The following FRK variants were observed in gnomAD, a reference collection of about 807,000 sequenced individuals.
FRK encodes the protein tyrosine-protein kinase FRK.
FRK carries 51 observed loss-of-function variants against 56.4 expected under a neutral mutation model. That is an observed-to-expected ratio of 0.90 (90% CI 0.72 to 1.14). The LOEUF (loss-of-function observed/expected upper bound fraction) is 1.14, where lower values mean the gene tolerates loss of function less well. FRK is among the 50% of genes most tolerant of loss of function. The probability of loss-of-function intolerance (pLI) is 0.00; values close to 1 mark genes in which losing one functional copy is unlikely to be tolerated. For missense variants in FRK, 570 were observed against 601.4 expected (o/e 0.95, Z 0.55); for synonymous variants, 245 against 217.9 (o/e 1.12, Z -1.10).
chr6:115,937,660 AAGC>A lies in FRK; in HGVS notation c.*4751_*4753del, dbSNP rs1772076177. 6.6e-6 allele frequency: 1 copy of A among 152,200 alleles called. No individual in the cohort carries two copies. Among genetic ancestry groups the A allele is most frequent in the Non-Finnish European group, 1.5e-5 (1 of 68,036 alleles). The allele number at this position is 152,200 out of a possible 1,614,324, so 9.4% of individuals were successfully genotyped here. Reference sequence around the variant, plus strand: ...GAAGCAAACGGAAAGCAGAAAAAAAAAGCAGGGGTTGCAATCCTAGTCTCTGAT... The same window carrying A: ...GAAGCAAACGGAAAGCAGAAAAAAAAAGGGGTTGCAATCCTAGTCTCTGAT... On this transcript the variant is annotated 3_prime_UTR_variant, in exon 8 of 8. Transcript: ENST00000606080.
At chr6:116,098,275 C>A in the FRK span, among the ~76,000 whole-genome samples, 1 of 151,932 alleles carries the variant, frequency 6.6e-6, no homozygotes, top group African/African-American at 2.4e-5. Context: ...CCATACCCTG[C>A]TAATTTTTGT....
chr6:116,014,937 C>T (rs965410426), intron 1 of FRK, among the ~76,000 whole-genome samples: 5 of 151,874 alleles, frequency 3.3e-5, no homozygotes, highest in South Asian at 2.1e-4. Flanking sequence ...CATTTTTTTC[C>T]GGGGAGATAA....
chr6:115,990,837 C>T (rs1774574747), intron 2 of FRK, among the ~76,000 whole-genome samples: 2 of 151,932 alleles, frequency 1.3e-5, no homozygotes, highest in East Asian at 3.9e-4. Flanking sequence ...ATAGAAACTG[C>T]ATTGAATTTG....
chr6:116,023,994 A>G (rs1775977423), intron 1 of FRK, among the ~76,000 whole-genome samples: 1 of 151,816 alleles, frequency 6.6e-6, no homozygotes, highest in Admixed American at 6.6e-5. Flanking sequence ...ATTCCACTGA[A>G]AACTTTGATC....
intron 2 of FRK, among the ~76,000 whole-genome samples, chr6:115,995,269 T>C (rs1440584424): frequency 2.0e-5 from 3 of 152,154 alleles, no homozygotes. Context: ...CCAGCCACTA[T>C]CTTAATCTGA....
chr6:115,966,031 C>A (rs556189399), intron 4 of FRK, among the ~76,000 whole-genome samples: 2 of 90,698 alleles, frequency 2.2e-5, no homozygotes, highest in African/African-American at 4.1e-5. Flanking sequence ...GCACATGTAC[C>A]CTAAAACTTA....
chr6:115,958,820 A>AAAAGAAAGAAAGAAAGAAAGAAAAAG (rs5879361), intron 4 of FRK, among the ~76,000 whole-genome samples: 6 of 132,602 alleles, frequency 4.5e-5, no homozygotes, highest in Non-Finnish European at 9.4e-5. Context: ...GAAAGAAAGA[A>AAAAGAAAGAAAGAAAGAAAGAAAAAG]AAAGAAAGAA....
At chr6:116,051,826 G>C (rs2114817071) in intron 1 of FRK, among the ~76,000 whole-genome samples, 1 of 152,074 alleles carries the variant, frequency 6.6e-6, no homozygotes, top group East Asian at 1.9e-4. Flanking sequence ...ATTATTTTTT[G>C]GTAATGTTAG....
intron 2 of FRK, among the ~76,000 whole-genome samples, chr6:115,979,397 A>G (rs573198123): frequency 6.6e-6 from 1 of 152,316 alleles, no homozygotes; most frequent in African/African-American, 2.4e-5. Context: ...CAACAAGAGA[A>G]TATTTTTGTA....
In FRK at chr6:116,060,101, C is replaced by G; in HGVS notation, c.211G>C (p.Val71Leu). The change falls in exon 1 of 8, where the codon GTT (valine) becomes CTT (leucine). Residue 71 changes from valine (V) to leucine (L), a missense_variant. Physicochemically the swap from Val to Leu is conservative, Grantham distance 32. Transcript: ENST00000606080. ...LSFRAGDKLQ[V>L]LDTLHEGWWF... is the part of the protein sequence containing the mutation. ...CAGCCCTCATGCAAAGTGTCCAGAA[C>G]TTGAAGTTTGTCACCTGCTCGGAAG... The G allele has an allele frequency of 6.2e-7, 1 of 1,614,188 alleles. No individual in the cohort carries two copies. The highest frequency in any genetic ancestry group is 8.5e-7 in the Non-Finnish European group (1 of 1,180,040).
Position 115,967,700 on chromosome 6 carries a change from A to G in FRK, c.650T>C (p.Phe217Ser), listed in dbSNP as rs776885645. 23 of 1,610,516 alleles carry G rather than the reference A, an allele frequency of 1.4e-5. No individual in the cohort carries two copies. The African/African-American group carries it at 2.5e-4, about 18-fold the overall frequency. Residue 217 changes from phenylalanine (F) to serine (S), a missense_variant, in exon 4 of 8, where the codon TTT (phenylalanine) becomes TCT (serine). By Grantham distance (155) the Phe-to-Ser change is radical. Transcript: ENST00000606080. The stretch of plus-strand genomic sequence containing the variant: ...GTCCACGGTTTTATACGACAAATCA[A>G]ATGGAGCTGGGACCTGGATCTGTTT... ...PCLKIQVPAPFDLSYKTVDQW... is the reference protein window; with the variant it reads ...PCLKIQVPAPSDLSYKTVDQW...
rs1201380891 is a variant in FRK, at chr6:115,994,325, C to A, written c.466+9552G>T. Among the ~76,000 whole-genome samples the A allele has an allele frequency of 2.4e-3, 59 of 24,800 alleles. 5 individuals are homozygous for A. Among genetic ancestry groups the A allele is most frequent in the East Asian group, 0.017 (18 of 1,064 alleles). The allele number at this position is 24,800 out of a possible 152,430, so 16.3% of individuals were successfully genotyped here. A position where few individuals can be genotyped will look rare whatever the true frequency, so the allele number is the denominator to read the frequency against. On this transcript the variant is annotated intron_variant, in intron 2 of 7. Coordinates refer to ENST00000606080, the MANE Select transcript of FRK (RefSeq NM_002031.3). ...TTGGGTATCCAGAATCTCACAACCT[C>A]CCCCCCCCCCGCCTTTTTTTTGTCA...
intron 1 of FRK, among the ~76,000 whole-genome samples, chr6:116,027,768 A>T (rs77589070): frequency 6.6e-6 from 1 of 151,970 alleles, no homozygotes; most frequent in Admixed American, 6.6e-5. Flanking sequence ...AGAAAAAATA[A>T]TATGATTAGA....
At chr6:116,009,569 T>A (rs1264597358) in intron 1 of FRK, among the ~76,000 whole-genome samples, 2 of 152,198 alleles carry the variant, frequency 1.3e-5, no homozygotes, top group African/African-American at 4.8e-5. Flanking sequence ...ATTGATATTT[T>A]AAAAAATAAT....
Position 116,003,932 on chromosome 6 carries a change from G to A in FRK, c.411C>T (p.Thr137=), listed in dbSNP as rs375756617. The part of the protein sequence containing the change: ...EKQLLYSENK[T]GSFLIRESES... The stretch of plus-strand genomic sequence containing the variant: ...CACTTTCTCTGATTAGAAAGGAACC[G>A]GTCTTGTTTTCTGAATATAATAGTT... The change falls in exon 2 of 8, where the codon ACC becomes ACT. Residue 137 remains threonine (T), a synonymous_variant. Transcript: ENST00000606080. 253 of 1,612,998 alleles carry A rather than the reference G, an allele frequency of 1.6e-4. No individual in the cohort carries two copies. The highest frequency in any genetic ancestry group is 2.1e-4 in the Non-Finnish European group (243 of 1,179,392).
chr6:116,100,512 G>A, the FRK span, among the ~76,000 whole-genome samples: 1 of 152,212 alleles, frequency 6.6e-6, no homozygotes. Flanking sequence ...CCTGGTTTCC[G>A]AGGCGCCCTG....
At chr6:115,957,606 A>G (rs946230024) in intron 4 of FRK, among the ~76,000 whole-genome samples, 3 of 152,236 alleles carry the variant, frequency 2.0e-5, no homozygotes, top group African/African-American at 4.8e-5. Context: ...AGACATGGAT[A>G]AGCTTTGACA....
chr6:116,035,663 T>C (rs1046322139), intron 1 of FRK, among the ~76,000 whole-genome samples: 2 of 152,184 alleles, frequency 1.3e-5, no homozygotes, highest in African/African-American at 2.4e-5. Context: ...ATACGCTGTA[T>C]GTAGCTATTC....
intron 5 of FRK, among the ~76,000 whole-genome samples, chr6:115,955,033 G>A (rs2114552567): frequency 6.6e-6 from 1 of 152,326 alleles, no homozygotes; most frequent in Non-Finnish European, 1.5e-5. Flanking sequence ...TAAGAAGGCA[G>A]TTGGGTATGA....
Sources: gnomAD v4.1 joint callset for allele counts (sites outside exome capture counted in the v4.1 genomes callset) on GRCh38, gnomAD v4.1.1 for gene constraint, MANE v1.5 for transcripts, NCBI Gene and HGNC (gene_info 2026-07-23, HGNC 2026-07-21) for gene names.